Variants in AMPH observed in about 807,000 individuals in gnomAD.
AMPH encodes amphiphysin.
Under a neutral mutation model 99.1 loss-of-function variants are expected in AMPH, and 49 were observed. The ratio of observed to expected loss-of-function variants is 0.49; its 90% confidence interval spans 0.39 to 0.63. The LOEUF (loss-of-function observed/expected upper bound fraction) is 0.63. Among genes scored for constraint, AMPH ranks in the 20% least tolerant of loss-of-function variants. The probability of loss-of-function intolerance (pLI) is 0.00; values close to 1 mark genes in which losing one functional copy is unlikely to be tolerated. For synonymous variants in AMPH, 314 were observed against 317.3 expected (o/e 0.99, Z 0.11); for missense variants, 759 against 863.4 (o/e 0.88, Z 1.52).
intron 1 of AMPH, among the ~76,000 whole-genome samples, chr7:38,541,207 A>C (rs763461077): frequency 6.6e-6 from 1 of 151,942 alleles, no homozygotes; most frequent in Non-Finnish European, 1.5e-5. Context: ...CCACCTATCC[A>C]TCAAGAGTTC....
chr7:38,627,918 A>G (rs1475011693), intron 1 of AMPH, among the ~76,000 whole-genome samples: 1 of 152,172 alleles, frequency 6.6e-6, no homozygotes, highest in East Asian at 1.9e-4. Context: ...ACCTGCATGT[A>G]GCAGGATCCT....
chr7:38,619,100 G>A (rs182798234), intron 1 of AMPH, among the ~76,000 whole-genome samples: 233 of 152,330 alleles, frequency 1.5e-3, no homozygotes, highest in African/African-American at 5.5e-3. Context: ...GCTGAGGCAG[G>A]AGGATTGCTT....
Position 38,427,721 on chromosome 7 carries a change from A to T in AMPH, c.1183-735T>A. On this transcript the variant is annotated intron_variant, in intron 14 of 20. Coordinates refer to ENST00000356264, the MANE Select transcript of AMPH (RefSeq NM_001635.4). Reference sequence around the variant, plus strand: ...TTCAAGAAGTACATGACAATCTGTTAGAGAGATCAGGCCTCCTAGAAGATA... The same window carrying T: ...TTCAAGAAGTACATGACAATCTGTTTGAGAGATCAGGCCTCCTAGAAGATA... 3 of 351,798 alleles carry T rather than the reference A, an allele frequency of 8.5e-6. 1 individual carries two copies. Among genetic ancestry groups the T allele is most frequent in the South Asian group, 6.5e-5 (3 of 46,036 alleles). The allele number at this position is 351,798 out of a possible 1,614,324, so 21.8% of individuals were successfully genotyped here.
intron 5 of AMPH, among the ~76,000 whole-genome samples, chr7:38,478,788 T>C (rs115168677): frequency 0.012 from 1,883 of 152,050 alleles, 42 homozygotes; most frequent in African/African-American, 0.043. Flanking sequence ...AGAAATCAAA[T>C]GGAAACACTA....
intron 16 of AMPH, among the ~76,000 whole-genome samples, chr7:38,418,472 CA>C (rs990086286): frequency 1.3e-5 from 2 of 151,966 alleles, no homozygotes; most frequent in African/African-American, 4.8e-5. Flanking sequence ...TGCATTGCAC[CA>C]AAAAAATCAA....
chr7:38,566,450 G>T (rs1259103638), intron 1 of AMPH, among the ~76,000 whole-genome samples: 3 of 152,054 alleles, frequency 2.0e-5, no homozygotes, highest in Non-Finnish European at 4.4e-5. Flanking sequence ...AACCGTAGAA[G>T]AAAACCTAGG....
intron 1 of AMPH, among the ~76,000 whole-genome samples, chr7:38,592,725 C>T (rs1352165070): frequency 8.4e-5 from 12 of 143,104 alleles, no homozygotes; most frequent in South Asian, 2.3e-4. Context: ...AGCAAGACTC[C>T]GTCTCAAAAA....
At chr7:38,472,075 G>C (rs1018483789) in intron 7 of AMPH, among the ~76,000 whole-genome samples, 2 of 152,070 alleles carry the variant, frequency 1.3e-5, no homozygotes. Flanking sequence ...TAAGGAAATA[G>C]AAAACTTGAA....
In AMPH at chr7:38,588,232, C is replaced by T. The variant is rs139435939; in HGVS notation, c.69+43051G>A. Reference sequence around the variant, plus strand: ...CCTCCCAAAATGCTAGGATTACAGGCGTGAGCTACCACGCCTGGCCTTATT... The same window carrying T: ...CCTCCCAAAATGCTAGGATTACAGGTGTGAGCTACCACGCCTGGCCTTATT... On this transcript the variant is annotated intron_variant, in intron 1 of 20. Coordinates refer to ENST00000356264, the MANE Select transcript of AMPH (RefSeq NM_001635.4). Among the ~76,000 whole-genome samples, 21 of 152,122 alleles carry T rather than the reference C, an allele frequency of 1.4e-4. No individual in the cohort carries two copies. In the East Asian group the frequency reaches 3.9e-3, roughly 28 times the overall value.
intron 3 of AMPH, 127 bp from the exon 4 acceptor site, chr7:38,494,654 G>T: frequency 1.3e-6 from 1 of 746,260 alleles, no homozygotes; most frequent in Admixed American, 2.1e-5. Flanking sequence ...AACTATAAAG[G>T]CACAACTGCT....
At position 38,631,273 on chromosome 7, in the gene AMPH, C is replaced by G. The variant is rs1471312934; in HGVS notation, c.69+10G>C. The G allele has an allele frequency of 2.0e-6, 3 of 1,517,168 alleles. No individual in the cohort carries two copies. Among genetic ancestry groups the G allele is most frequent in the Non-Finnish European group, 1.8e-6 (2 of 1,133,246 alleles). The allele number at this position is 1,517,168 out of a possible 1,614,324, so 94.0% of individuals were successfully genotyped here. ...GTCCCCGGCCCCAGCCCCGGCCGCC[C>G]GCCGCTGACCTTTTCCTGCGCGCGG... On this transcript the variant is annotated intron_variant, in intron 1 of 20. Coordinates refer to ENST00000356264, the MANE Select transcript of AMPH (RefSeq NM_001635.4).
chr7:38,454,544 A>C (rs1272915112), intron 11 of AMPH, among the ~76,000 whole-genome samples: 1 of 151,820 alleles, frequency 6.6e-6, no homozygotes, highest in South Asian at 2.1e-4. Context: ...AAAAAAAAAA[A>C]CACAAAAAAC....
chr7:38,460,431 A>C (rs1787395738), intron 11 of AMPH, among the ~76,000 whole-genome samples: 1 of 152,230 alleles, frequency 6.6e-6, no homozygotes, highest in African/African-American at 2.4e-5. Flanking sequence ...AAAGATAGAG[A>C]ATCAACCTAA....
chr7:38,402,043 C>T (rs2299945), intron 17 of AMPH, among the ~76,000 whole-genome samples: 53,532 of 151,914 alleles, frequency 0.35, 9,918 homozygotes, highest in Non-Finnish European at 0.4. Flanking sequence ...ATCACTAAAT[C>T]GATTCTCTAT....
chr7:38,442,142 A>G (rs1270467987), intron 11 of AMPH, among the ~76,000 whole-genome samples: 1 of 151,994 alleles, frequency 6.6e-6, no homozygotes, highest in African/African-American at 2.4e-5. Context: ...AAAAATAGCT[A>G]ATGGGTACTA....
chr7:38,480,523 A>G (rs1788248051), intron 5 of AMPH, among the ~76,000 whole-genome samples: 1 of 152,128 alleles, frequency 6.6e-6, no homozygotes. Flanking sequence ...CTATTCTTCT[A>G]CACACCCTTC....
At chr7:38,558,743 G>A (rs1791455940) in intron 1 of AMPH, among the ~76,000 whole-genome samples, 1 of 152,210 alleles carries the variant, frequency 6.6e-6, no homozygotes, top group East Asian at 1.9e-4. Flanking sequence ...TGCTGGTTCA[G>A]CATTTGTCCT....
intron 11 of AMPH, among the ~76,000 whole-genome samples, chr7:38,444,418 G>A (rs1431716454): frequency 2.0e-5 from 3 of 152,080 alleles, no homozygotes; most frequent in African/African-American, 7.2e-5. Context: ...TCCAATGACT[G>A]GTGGCCCTGT....
At chr7:38,411,712 G>A (rs2128984838) in intron 17 of AMPH, among the ~76,000 whole-genome samples, 1 of 152,208 alleles carries the variant, frequency 6.6e-6, no homozygotes, top group East Asian at 1.9e-4. Flanking sequence ...TTCTGGGGTG[G>A]GACTGGGCTT....
Sources: gnomAD v4.1 joint callset for allele counts (sites outside exome capture counted in the v4.1 genomes callset) on GRCh38, gnomAD v4.1.1 for gene constraint, MANE v1.5 for transcripts, NCBI Gene and HGNC (gene_info 2026-07-23, HGNC 2026-07-21) for gene names.